The following PACS1 variants were observed in gnomAD, a reference collection of about 807,000 sequenced individuals.
The protein encoded by PACS1 is PACS-1.
PACS1 carries 24 observed loss-of-function variants against 115.0 expected under a neutral mutation model. The ratio of observed to expected loss-of-function variants is 0.21; its 90% CI spans 0.15 to 0.29. The LOEUF is 0.29. Among genes scored for constraint, PACS1 ranks in the 10% least tolerant of loss-of-function variants. PACS1 has a pLI of 1.00. For missense variants in PACS1, 838 were observed against 1,251.2 expected, an observed-to-expected ratio of 0.67 and a Z score of 4.98; for synonymous variants, 453 against 504.5, an observed-to-expected ratio of 0.90 and a Z score of 1.37.
At chr11:66,209,380 A>G (rs568531097) in intron 2 of PACS1, among the ~76,000 whole-genome samples, 29 of 152,168 alleles carry the variant, frequency 1.9e-4, no homozygotes, top group African/African-American at 6.5e-4. Flanking sequence ...CAGGGAGGTT[A>G]AAGAGGAAGT....
At chr11:66,094,728 G>T (rs1449911140) in intron 1 of PACS1, among the ~76,000 whole-genome samples, 2 of 149,024 alleles carry the variant, frequency 1.3e-5, no homozygotes, top group East Asian at 3.9e-4. Flanking sequence ...CCAAAGCCGG[G>T]CAGAGACACA....
Position 66,233,062 on chromosome 11 carries a change from C to G in PACS1, c.1834C>G (p.Arg612Gly). 1 of 1,604,626 alleles carries G rather than the reference C, an allele frequency of 6.2e-7. No individual in the cohort carries two copies. Among genetic ancestry groups the G allele is most frequent in the Admixed American group, 1.7e-5 (1 of 60,002 alleles). ...GTCCGCCCTGCTCACCCGGATCCAG[C>G]GCTAGTAAGGGCTCTGGCCTCCCTT... is the stretch of plus-strand genomic sequence containing the variant. The part of the protein sequence containing the change: ...VLSALLTRIQ[R>G]YCNCNSSMPR... The change falls in exon 15 of 24, where the codon CGC becomes GGC. Residue 612 changes from arginine (R) to glycine (G), a missense_variant. By Grantham distance (125) the Arg-to-Gly change is moderately radical. Around this residue, in one of 6 missense-constraint regions of PACS1, gnomAD observed 383 missense variants for 537.0 expected, o/e 0.71. Coordinates refer to ENST00000320580, the MANE Select transcript of PACS1 (RefSeq NM_018026.4). The surrounding 1 kb of genome is among the most constrained non-coding windows in gnomAD (Gnocchi z 4.5).
chr11:66,074,880 T>G (rs1230300126), intron 1 of PACS1, among the ~76,000 whole-genome samples: 1 of 152,060 alleles, frequency 6.6e-6, no homozygotes, highest in Admixed American at 6.5e-5. Context: ...TCTATCTTCT[T>G]ACTATATACT....
At chr11:66,220,471 T>A in intron 8 of PACS1, 160 bp from the exon 9 acceptor site, 1 of 672,330 alleles carries the variant, frequency 1.5e-6, no homozygotes. Context: ...GCCCTCAGGC[T>A]GGATCATGGA....
Position 66,242,896 on chromosome 11 carries a change from C to T in PACS1, c.2657-16C>T, listed in dbSNP as rs975368088. On this transcript the variant is annotated splice_polypyrimidine_tract_variant and intron_variant, in intron 22 of 23. Coordinates refer to ENST00000320580, the MANE Select transcript of PACS1 (RefSeq NM_018026.4). ...CCCCAGGGGCTGGGACACAGGTGGCCTTGCTTGCTTTCCAGTTCCCACCAT... is the reference window on the plus strand; with the variant it reads ...CCCCAGGGGCTGGGACACAGGTGGCTTTGCTTGCTTTCCAGTTCCCACCAT... The T allele has an allele frequency of 1.9e-6, 3 of 1,613,818 alleles. No individual in the cohort carries two copies. The highest frequency in any genetic ancestry group is 1.7e-6 in the Non-Finnish European group (2 of 1,179,928).
intron 1 of PACS1, among the ~76,000 whole-genome samples, chr11:66,128,591 A>G (rs887823789): frequency 2.0e-5 from 3 of 149,316 alleles, no homozygotes; most frequent in Non-Finnish European, 4.4e-5. Flanking sequence ...AAAATTTAAC[A>G]AGTGAGTGAG....
chr11:66,122,077 C>T (rs988198595), intron 1 of PACS1, among the ~76,000 whole-genome samples: 3 of 152,252 alleles, frequency 2.0e-5, no homozygotes, highest in South Asian at 4.1e-4. Context: ...GGCTGACTCT[C>T]TTGTTAGGGG....
chr11:66,216,014 G>A (rs755400562), intron 4 of PACS1, 105 bp from the exon 5 acceptor site: 49 of 946,298 alleles, frequency 5.2e-5, no homozygotes, highest in Admixed American at 9.1e-5. Flanking sequence ...GGAAGAAAAC[G>A]TATCAGCAGA....
chr11:66,097,060 G>A (rs963843711), intron 1 of PACS1, among the ~76,000 whole-genome samples: 3 of 152,062 alleles, frequency 2.0e-5, no homozygotes, highest in Non-Finnish European at 2.9e-5. Context: ...TAGAGTAGGT[G>A]TATGTTTAAA....
chr11:66,087,234 GTTTT>G (rs1386961795), intron 1 of PACS1, among the ~76,000 whole-genome samples: 2 of 150,234 alleles, frequency 1.3e-5, no homozygotes, highest in African/African-American at 2.5e-5. Context: ...AAGAACACTT[GTTTT>G]TTTTTTTTGT....
At chr11:66,107,675 A>T (rs1372277031) in intron 1 of PACS1, among the ~76,000 whole-genome samples, 2 of 152,178 alleles carry the variant, frequency 1.3e-5, no homozygotes, top group African/African-American at 4.8e-5. Flanking sequence ...TTGGCCAGGG[A>T]TGCTCTGTTC....
chr11:66,208,120 C>T (rs977643129), intron 2 of PACS1, among the ~76,000 whole-genome samples: 1 of 152,118 alleles, frequency 6.6e-6, no homozygotes, highest in Non-Finnish European at 1.5e-5. Context: ...TAGGCAGCAT[C>T]GCTATATAAT....
chr11:66,214,417 A>T (rs1855149339), intron 4 of PACS1, among the ~76,000 whole-genome samples: 1 of 151,958 alleles, frequency 6.6e-6, no homozygotes, highest in African/African-American at 2.4e-5. Flanking sequence ...CCTCACCCAG[A>T]CTCAAGAGCA....
rs1402721198 is a variant in PACS1 at position 66,077,778 on chromosome 11, CG to C, written c.356+6938del. Among the ~76,000 whole-genome samples, 44 of 148,250 alleles carry C rather than the reference CG, an allele frequency of 3.0e-4. 1 individual carries two copies. The highest frequency in any genetic ancestry group is 1.1e-3 in the South Asian group (5 of 4,622). Reference sequence around the variant, plus strand: ...AGTGTAAAGGCGCAGTCTCGGCTCACGGAAACCTCCGCCTCCGAGGTTCAAG... The same window carrying C: ...AGTGTAAAGGCGCAGTCTCGGCTCACGAAACCTCCGCCTCCGAGGTTCAAG... On this transcript the variant is annotated intron_variant, in intron 1 of 23. Coordinates refer to ENST00000320580, the MANE Select transcript of PACS1 (RefSeq NM_018026.4).
intron 1 of PACS1, among the ~76,000 whole-genome samples, chr11:66,126,944 A>C (rs1226373137): frequency 2.0e-5 from 3 of 152,150 alleles, no homozygotes; most frequent in African/African-American, 7.2e-5. Context: ...CAAAGCAGGA[A>C]GAAGGGGAGG....
intron 2 of PACS1, among the ~76,000 whole-genome samples, chr11:66,194,847 A>G (rs1854613945): frequency 6.6e-6 from 1 of 152,188 alleles, no homozygotes; most frequent in African/African-American, 2.4e-5. Flanking sequence ...TATCACTCTC[A>G]GTGTGTGAAT....
chr11:66,159,394 G>A (rs1424000853), intron 1 of PACS1, among the ~76,000 whole-genome samples: 1 of 151,778 alleles, frequency 6.6e-6, no homozygotes, highest in Admixed American at 6.6e-5. Context: ...CCAAGATCAC[G>A]CCATTGCCCT....
intron 1 of PACS1, among the ~76,000 whole-genome samples, chr11:66,141,689 C>CTT (rs1858992143): frequency 6.6e-6 from 1 of 151,692 alleles, no homozygotes; most frequent in African/African-American, 2.4e-5. Context: ...TAACCTCAGA[C>CTT]TTCTGGGCTC....
chr11:66,188,015 G>A (rs1854424188), intron 1 of PACS1, among the ~76,000 whole-genome samples: 1 of 152,098 alleles, frequency 6.6e-6, no homozygotes, highest in Admixed American at 6.6e-5. Flanking sequence ...CCCAACTGGG[G>A]AATATGATAC....
Sources: allele counts gnomAD v4.1 joint callset (sites outside exome capture counted in the v4.1 genomes callset), GRCh38; gene constraint gnomAD v4.1.1; regional missense constraint gnomAD v4.1.1; non-coding constraint Gnocchi (gnomAD v3.1); transcripts MANE v1.5; gene names NCBI Gene and HGNC (gene_info 2026-07-23, HGNC 2026-07-21).